FAM53A: variants seen among roughly 807,000 people sequenced by gnomAD.
The protein encoded by FAM53A is protein FAM53A.
FAM53A carries 28 observed loss-of-function variants against 26.6 expected under a neutral mutation model. The observed-to-expected ratio is 1.05, with a 90% CI of 0.78 to 1.45. FAM53A has a LOEUF of 1.45. FAM53A is among the 40% of genes most tolerant of loss of function. FAM53A has a pLI of 0.00. For missense variants in FAM53A, 650 were observed against 575.8 expected, an observed-to-expected ratio of 1.13 and a Z score of -1.32; for synonymous variants, 290 against 253.1, an observed-to-expected ratio of 1.15 and a Z score of -1.38.
rs1160295945 is a variant in FAM53A at position 1,639,991 on chromosome 4, GAGGCCTGAGGCGCAGCC to G, written c.*1285_*1301del. On this transcript the variant is annotated 3_prime_UTR_variant, in exon 5 of 5. Transcript: ENST00000308132. Reference sequence around the variant, plus strand: ...TTGTCTGGTTCTGAGCCAGAGACCAGAGGCCTGAGGCGCAGCCAGGCCCACTTCAGATGGTGGAAACG... The same window carrying G: ...TTGTCTGGTTCTGAGCCAGAGACCAGAGGCCCACTTCAGATGGTGGAAACG... The G allele has an allele frequency of 6.6e-6, 1 of 152,276 alleles. No homozygotes were observed. The highest frequency in any genetic ancestry group is 2.4e-5 in the African/African-American group (1 of 41,470). The allele number at this position is 152,276 out of a possible 1,614,324, so 9.4% of individuals were successfully genotyped here. A position where few individuals can be genotyped will look rare whatever the true frequency, so the allele number is the denominator to read the frequency against.
chr4:1,657,494 CTGTGACTGACACG>C, intron 2 of FAM53A, 26 bp from the exon 3 acceptor site: 2 of 1,604,812 alleles, frequency 1.2e-6, no homozygotes, highest in Non-Finnish European at 8.5e-7. Flanking sequence ...AGTTTCAATA[CTGTGACTGACACG>C]TGAGAATTCG....
downstream of FAM53A, among the ~76,000 whole-genome samples, chr4:1,616,171 G>A (rs1055395588): frequency 3.9e-5 from 6 of 152,208 alleles, no homozygotes; most frequent in African/African-American, 7.2e-5. Context: ...ACTGCGGAGC[G>A]ACATGAGATG....
chr4:1,646,452 A>C (rs1712257504), intron 4 of FAM53A, among the ~76,000 whole-genome samples: 1 of 152,152 alleles, frequency 6.6e-6, no homozygotes, highest in Admixed American at 6.6e-5. Context: ...CGTCGGGGGT[A>C]TTTTGTTACA....
chr4:1,579,113 C>A, the FAM53A span, among the ~76,000 whole-genome samples: 1 of 151,406 alleles, frequency 6.6e-6, no homozygotes, highest in Admixed American at 6.6e-5. Context: ...CCCTCCCGAG[C>A]GCTCCCGAAT....
At chr4:1,609,513 C>G in the FAM53A span, among the ~76,000 whole-genome samples, 2,358 of 152,174 alleles carry the variant, frequency 0.015, 92 homozygotes, top group African/African-American at 0.053. Flanking sequence ...GTTCTCCTGA[C>G]AACAAGTGAG....
downstream of FAM53A, among the ~76,000 whole-genome samples, chr4:1,613,332 C>A (rs1028682868): frequency 9.2e-5 from 14 of 152,226 alleles, no homozygotes; most frequent in Non-Finnish European, 2.1e-4. Context: ...ACCGGGTCCT[C>A]ACCCTGTCAA....
At chr4:1,605,391 G>A in the FAM53A span, among the ~76,000 whole-genome samples, 1 of 152,132 alleles carries the variant, frequency 6.6e-6, no homozygotes, top group Non-Finnish European at 1.5e-5. This position sits in a 1 kb window ranked among gnomAD's most constrained non-coding sequence, Gnocchi z 5.7. Flanking sequence ...AGCCGTGCCG[G>A]TGACCCAGCC....
At chr4:1,673,495 A>G (rs1560204274) in intron 1 of FAM53A, among the ~76,000 whole-genome samples, 1 of 152,226 alleles carries the variant, frequency 6.6e-6, no homozygotes, top group Non-Finnish European at 1.5e-5. Context: ...GCACCTTGGG[A>G]GGCCGAGGAG....
upstream of FAM53A, chr4:1,684,416 C>T (rs550720175): frequency 5.2e-4 from 78 of 148,736 alleles, no homozygotes; most frequent in African/African-American, 1.7e-3. Flanking sequence ...CCGCCTTCTC[C>T]ACGCCGGCCC....
intron 2 of FAM53A, among the ~76,000 whole-genome samples, chr4:1,666,318 CT>C (rs1169885072): frequency 4.0e-5 from 1 of 24,896 alleles, no homozygotes; most frequent in African/African-American, 2.0e-4. Context: ...CCTGCACCCC[CT>C]GTATCTAAAA....
chr4:1,623,606 C>G (rs1237832927), intron 1 of FAM53A, among the ~76,000 whole-genome samples: 3 of 152,214 alleles, frequency 2.0e-5, no homozygotes, highest in Non-Finnish European at 4.4e-5. Flanking sequence ...TGCGGTAACC[C>G]AAGTGCCATC....
Position 1,630,308 on chromosome 4 carries a change from T to C in FAM53A, c.432-12197A>G, listed in dbSNP as rs1374413518. 6.6e-6 allele frequency among the ~76,000 whole-genome samples: 1 copy of C among 152,316 alleles called. No homozygotes were observed. The highest frequency in any genetic ancestry group is 2.4e-5 in the African/African-American group (1 of 41,586). ...CAGGGGGTCAGAGCCCACCTTGGTG[T>C]TGTGGCCCCCATGGTGTCTGCTGAG... On this transcript the variant is annotated intron_variant, in intron 1 of 1. Coordinates refer to the FAM53A transcript ENST00000489029. The surrounding 1 kb of genome is among the most constrained non-coding windows in gnomAD (Gnocchi z 4.3).
At chr4:1,664,016 C>T (rs1006107037) in intron 2 of FAM53A, among the ~76,000 whole-genome samples, 2 of 152,184 alleles carry the variant, frequency 1.3e-5, no homozygotes, top group Non-Finnish European at 2.9e-5. Context: ...CACTCCGGGA[C>T]AAGCAGCTGG....
chr4:1,654,905 A>G (rs895518141), intron 4 of FAM53A, 73 bp downstream of exon 4: 2 of 1,447,190 alleles, frequency 1.4e-6, no homozygotes, highest in Admixed American at 2.7e-5. Flanking sequence ...CCAGAGAATC[A>G]GCCAGCCTCA....
At chr4:1,671,619 G>A (rs28441476) in intron 1 of FAM53A, among the ~76,000 whole-genome samples, 14 of 138,262 alleles carry the variant, frequency 1.0e-4, no homozygotes, top group East Asian at 2.2e-4. Context: ...TCACAGCCAC[G>A]GCCCGGACTC....
downstream of FAM53A, among the ~76,000 whole-genome samples, chr4:1,616,495 C>T (rs577963414): frequency 6.6e-6 from 1 of 152,320 alleles, no homozygotes; most frequent in African/African-American, 2.4e-5. Context: ...GCACTCCAGC[C>T]TGGGTGTCAC....
downstream of FAM53A, among the ~76,000 whole-genome samples, chr4:1,614,600 C>T (rs1714742972): frequency 2.6e-5 from 4 of 152,206 alleles, no homozygotes; most frequent in Middle Eastern, 3.4e-3. Context: ...AGCAAGAGGA[C>T]GGGGCGCCAG....
intron 3 of FAM53A, among the ~76,000 whole-genome samples, chr4:1,656,815 G>A (rs1197328998): frequency 6.6e-6 from 1 of 152,134 alleles, no homozygotes; most frequent in Non-Finnish European, 1.5e-5. Context: ...GACACAGGGC[G>A]CTGGGCGTGT....
the FAM53A span, among the ~76,000 whole-genome samples, chr4:1,585,610 T>C: frequency 1.3e-5 from 2 of 152,066 alleles, no homozygotes; most frequent in Non-Finnish European, 2.9e-5. Context: ...TACATCTCAG[T>C]TCAACTTCTT....
Sources: allele counts gnomAD v4.1 joint callset (sites outside exome capture counted in the v4.1 genomes callset), GRCh38; gene constraint gnomAD v4.1.1; non-coding constraint Gnocchi (gnomAD v3.1); transcripts MANE v1.5; gene names NCBI Gene and HGNC (gene_info 2026-07-23, HGNC 2026-07-21).